Variants in HPCAL1 observed in about 807,000 individuals in gnomAD.
HPCAL1 encodes the protein hippocalcin like 1, also known as hippocalcin-like protein 1.
Under a neutral mutation model 17.1 loss-of-function variants are expected in HPCAL1, and 8 were observed. The ratio of observed to expected loss-of-function variants is 0.47; its 90% confidence interval spans 0.27 to 0.84. The LOEUF (loss-of-function observed/expected upper bound fraction) is 0.84. Among genes scored for constraint, HPCAL1 ranks in the 40% least tolerant of loss-of-function variants. The probability of loss-of-function intolerance (pLI) is 0.13; values close to 1 mark genes in which losing one functional copy is unlikely to be tolerated. For synonymous variants in HPCAL1, 112 were observed against 111.4 expected (o/e 1.01, Z -0.03); for missense variants, 165 against 271.1 (o/e 0.61, Z 2.75).
rs190391569 is a variant in HPCAL1, at chr2:10,422,913, A to G, written c.379-70A>G. 272 of 1,105,372 alleles carry G rather than the reference A, an allele frequency of 2.5e-4. 1 individual carries two copies. In the African/African-American group the frequency reaches 3.9e-3, roughly 16 times the overall value. The allele number at this position is 1,105,372 out of a possible 1,614,324, so 68.5% of individuals were successfully genotyped here. A position where few individuals can be genotyped will look rare whatever the true frequency, so the allele number is the denominator to read the frequency against. ...CCGAGCCTTGTTGTGGGCTGGGCGG[A>G]AGCCCACCCTTGCTGCACCCGCCCA... On this transcript the variant is annotated intron_variant, in intron 3 of 4. Coordinates refer to ENST00000307845, the MANE Select transcript of HPCAL1 (RefSeq NM_002149.4).
chr2:10,370,251 C>T (rs1279090492), intron 1 of HPCAL1, among the ~76,000 whole-genome samples: 2 of 152,244 alleles, frequency 1.3e-5, no homozygotes, highest in East Asian at 1.9e-4. Flanking sequence ...TCCCGTCAGT[C>T]GTGGAGCAGG....
At chr2:10,408,928 AC>A (rs1670149875) in intron 2 of HPCAL1, among the ~76,000 whole-genome samples, 1 of 152,190 alleles carries the variant, frequency 6.6e-6, no homozygotes, top group African/African-American at 2.4e-5. Flanking sequence ...GGAGACACAT[AC>A]CTATGTGATT....
rs994787490 is a variant in HPCAL1 at position 10,359,077 on chromosome 2, G to A, written c.-110-37758G>A. ...GCTCCCCTCGAGGTTTGACCCGTCT[G>A]CATGCTCCCCTAGAGGTTTGAGCAG... is the stretch of plus-strand genomic sequence containing the variant. On this transcript the variant is annotated intron_variant, in intron 1 of 4. Coordinates refer to ENST00000307845, the MANE Select transcript of HPCAL1 (RefSeq NM_002149.4). The surrounding 1 kb of genome is among the most constrained non-coding windows in gnomAD (Gnocchi z 4.1). Among the ~76,000 whole-genome samples, 1 of 152,150 alleles carries A rather than the reference G, an allele frequency of 6.6e-6. No homozygotes were observed. Among genetic ancestry groups the A allele is most frequent in the African/African-American group, 2.4e-5 (1 of 41,424 alleles).
intron 1 of HPCAL1, among the ~76,000 whole-genome samples, chr2:10,336,437 C>T (rs1234472846): frequency 6.6e-6 from 1 of 152,164 alleles, no homozygotes; most frequent in Non-Finnish European, 1.5e-5. Flanking sequence ...ATTGACATTC[C>T]ATTGTGGAGA....
At chr2:10,355,544 C>T (rs984332859) in intron 1 of HPCAL1, among the ~76,000 whole-genome samples, 8 of 147,912 alleles carry the variant, frequency 5.4e-5, no homozygotes, top group African/African-American at 2.0e-4. Flanking sequence ...GAATCTTCAG[C>T]ATTCTGGAAA....
At chr2:10,322,386 A>G (rs1663722838) in intron 1 of HPCAL1, among the ~76,000 whole-genome samples, 1 of 152,224 alleles carries the variant, frequency 6.6e-6, no homozygotes, top group Admixed American at 6.5e-5. Flanking sequence ...CAAAGACTTG[A>G]AGAAAATAAG....
chr2:10,311,284 G>A (rs558566365), intron 1 of HPCAL1, among the ~76,000 whole-genome samples: 1 of 152,296 alleles, frequency 6.6e-6, no homozygotes, highest in African/African-American at 2.4e-5. Context: ...CTCCAGGGGT[G>A]GGACATGAGA....
intron 1 of HPCAL1, among the ~76,000 whole-genome samples, chr2:10,318,003 GTTA>G (rs1198404690): frequency 6.6e-6 from 1 of 152,128 alleles, no homozygotes; most frequent in African/African-American, 2.4e-5. Context: ...TGTTTGATGT[GTTA>G]TTATTCAGAG....
At chr2:10,340,970 A>G (rs888578306) in intron 1 of HPCAL1, among the ~76,000 whole-genome samples, 4 of 152,188 alleles carry the variant, frequency 2.6e-5, no homozygotes, top group African/African-American at 7.2e-5. Context: ...ATAGAATATC[A>G]TTATAAATTC....
chr2:10,397,212 C>T (rs1244332951), intron 2 of HPCAL1, among the ~76,000 whole-genome samples: 2 of 151,880 alleles, frequency 1.3e-5, no homozygotes, highest in African/African-American at 2.4e-5. Context: ...TTCGGTGCTT[C>T]TGTTTGGCGA....
intron 1 of HPCAL1, among the ~76,000 whole-genome samples, chr2:10,371,150 G>A (rs966917992): frequency 3.3e-5 from 5 of 152,202 alleles, no homozygotes; most frequent in African/African-American, 1.2e-4. Context: ...AGGCAGGGCG[G>A]GTTTGGGGTG....
At chr2:10,375,021 TG>T (rs1294656415) in intron 1 of HPCAL1, among the ~76,000 whole-genome samples, 2 of 152,104 alleles carry the variant, frequency 1.3e-5, no homozygotes, top group African/African-American at 4.8e-5. Context: ...GGCAGAGAGC[TG>T]GGAGCCTGGA....
At chr2:10,422,123 G>C (rs984398464) in intron 3 of HPCAL1, among the ~76,000 whole-genome samples, 2 of 152,154 alleles carry the variant, frequency 1.3e-5, no homozygotes, top group African/African-American at 4.8e-5. Context: ...CTGTCCAAAC[G>C]GGACAGCCCC....
At chr2:10,358,323 C>T (rs556839535) in intron 1 of HPCAL1, among the ~76,000 whole-genome samples, 1 of 152,340 alleles carries the variant, frequency 6.6e-6, no homozygotes, top group Admixed American at 6.5e-5. Context: ...ACTATGTTGT[C>T]CAGACTGGTC....
intron 1 of HPCAL1, among the ~76,000 whole-genome samples, chr2:10,336,196 T>C (rs1195271817): frequency 6.6e-6 from 1 of 152,116 alleles, no homozygotes; most frequent in African/African-American, 2.4e-5. Flanking sequence ...GTGCGTATCC[T>C]CTGCTGTAAA....
chr2:10,398,658 G>C (rs1669219069), intron 2 of HPCAL1, among the ~76,000 whole-genome samples: 2 of 152,104 alleles, frequency 1.3e-5, no homozygotes, highest in Admixed American at 6.5e-5. Flanking sequence ...GGCAAAGTGA[G>C]CTCCCCACCC....
intron 1 of HPCAL1, among the ~76,000 whole-genome samples, chr2:10,333,711 CAG>C (rs1362293733): frequency 6.6e-6 from 1 of 152,126 alleles, no homozygotes; most frequent in Non-Finnish European, 1.5e-5. Context: ...CACAGAAAAA[CAG>C]AGAAAAAAAT....
intron 2 of HPCAL1, among the ~76,000 whole-genome samples, chr2:10,418,709 G>A (rs886167327): frequency 9.9e-5 from 15 of 152,162 alleles, no homozygotes; most frequent in Non-Finnish European, 2.2e-4. Context: ...ATAACATGAG[G>A]TGGTGCAGTG....
chr2:10,422,836 A>G (rs1358796941), intron 3 of HPCAL1, 147 bp from the exon 4 acceptor site: 1 of 615,586 alleles, frequency 1.6e-6, no homozygotes, highest in African/African-American at 1.9e-5. Context: ...ACTAGGGAAC[A>G]TTCTCCCCAC....
Sources: allele counts gnomAD v4.1 joint callset (sites outside exome capture counted in the v4.1 genomes callset), GRCh38; gene constraint gnomAD v4.1.1; non-coding constraint Gnocchi (gnomAD v3.1); transcripts MANE v1.5; gene names NCBI Gene and HGNC (gene_info 2026-07-23, HGNC 2026-07-21).